Variants in RBFOX1 observed in about 807,000 individuals in gnomAD.
RBFOX1 encodes RNA binding protein fox-1 homolog 1.
In RBFOX1, 8 loss-of-function variants were observed where a neutral mutation model predicts 57.7. That is an observed-to-expected ratio of 0.14 (90% CI 0.08 to 0.25). The LOEUF is 0.25. Ranked by LOEUF, RBFOX1 falls within the 10% of genes least tolerant of loss-of-function variation. The pLI, the probability that RBFOX1 is intolerant of heterozygous loss-of-function variation, is 1.00. For synonymous variants in RBFOX1, 326 were observed against 222.4 expected (o/e 1.47, Z -4.15); for missense variants, 611 against 548.5 (o/e 1.11, Z -1.14).
At chr16:6,301,951 G>A (rs2078870484) in intron 1 of RBFOX1, among the ~76,000 whole-genome samples, 2 of 152,164 alleles carry the variant, frequency 1.3e-5, no homozygotes, top group African/African-American at 4.8e-5. Flanking sequence ...CAAGGGGTCT[G>A]TAAATGCCCC....
In RBFOX1 at chr16:5,738,583, G is replaced by A. The variant is rs564847829; in HGVS notation, c.319-128720G>A. 3.4e-4 allele frequency among the ~76,000 whole-genome samples: 47 copies of A among 136,898 alleles called. No individual in the cohort carries two copies. The Admixed American group carries it at 3.7e-3, about 11-fold the overall frequency. The allele number at this position is 136,898 out of a possible 152,430, so 89.8% of individuals were successfully genotyped here. The stretch of plus-strand genomic sequence containing the variant: ...TGGGAGGTGAAGGTTGCCATGTGCC[G>A]AGATTGCACAACTGTACTGCAGCCT... On this transcript the variant is annotated intron_variant, in intron 3 of 19. Coordinates refer to the RBFOX1 transcript ENST00000641259.
chr16:6,958,686 T>A (rs1335487890), intron 3 of RBFOX1, among the ~76,000 whole-genome samples: 1 of 152,148 alleles, frequency 6.6e-6, no homozygotes, highest in African/African-American at 2.4e-5. Context: ...CTAATTGGGG[T>A]CACATGCTAA....
intron 4 of RBFOX1, among the ~76,000 whole-genome samples, chr16:7,336,567 TG>T (rs1939235293): frequency 6.6e-6 from 1 of 152,232 alleles, no homozygotes; most frequent in Non-Finnish European, 1.5e-5. Flanking sequence ...CACTGAACTG[TG>T]GGTTCACAAT....
intron 1 of RBFOX1, among the ~76,000 whole-genome samples, chr16:5,342,074 A>C (rs2065044996): frequency 6.6e-6 from 1 of 152,202 alleles, no homozygotes; most frequent in East Asian, 1.9e-4. Flanking sequence ...CTTTTGTCTA[A>C]ATTTTTATTT....
chr16:7,078,689 T>G (rs1010265196), intron 4 of RBFOX1, among the ~76,000 whole-genome samples: 2 of 142,654 alleles, frequency 1.4e-5, no homozygotes, highest in Admixed American at 6.9e-5. Flanking sequence ...TTATTTTATT[T>G]TATTTTTTTT....
chr16:6,620,698 A>G (rs1260091054), intron 2 of RBFOX1, among the ~76,000 whole-genome samples: 1 of 152,190 alleles, frequency 6.6e-6, no homozygotes, highest in Non-Finnish European at 1.5e-5. Flanking sequence ...CAGAAATACA[A>G]ACAACCATCA....
At chr16:7,570,244 T>G (rs2092636062) in intron 5 of RBFOX1, among the ~76,000 whole-genome samples, 1 of 152,086 alleles carries the variant, frequency 6.6e-6, no homozygotes, top group Non-Finnish European at 1.5e-5. Context: ...CAAGACAGGC[T>G]TCTCTAAAGT....
At chr16:7,218,142 C>T (rs12924676) in intron 4 of RBFOX1, among the ~76,000 whole-genome samples, 26,474 of 152,042 alleles carry the variant, frequency 0.17, 2,654 homozygotes, top group Non-Finnish European at 0.21. Context: ...TGAATCATCC[C>T]ACCTTGCTGA....
intron 2 of RBFOX1, among the ~76,000 whole-genome samples, chr16:6,326,990 C>A (rs961507692): frequency 6.6e-6 from 1 of 152,212 alleles, no homozygotes; most frequent in Non-Finnish European, 1.5e-5. Flanking sequence ...ATCTCAGGGA[C>A]CTTCTTTGTG....
intron 4 of RBFOX1, among the ~76,000 whole-genome samples, chr16:7,420,255 C>G (rs1304004909): frequency 1.3e-5 from 2 of 152,146 alleles, no homozygotes; most frequent in African/African-American, 4.8e-5. Context: ...TAAATAGCCT[C>G]TCGTCCTATT....
At chr16:5,869,207 G>C (rs2057409966) in intron 4 of RBFOX1, among the ~76,000 whole-genome samples, 1 of 152,062 alleles carries the variant, frequency 6.6e-6, no homozygotes, top group African/African-American at 2.4e-5. Flanking sequence ...ATGAAGGACT[G>C]ATTGCGCTTT....
At chr16:7,070,839 A>G (rs1031483889) in intron 4 of RBFOX1, among the ~76,000 whole-genome samples, 2 of 152,176 alleles carry the variant, frequency 1.3e-5, no homozygotes, top group Non-Finnish European at 2.9e-5. Flanking sequence ...ACCTAACTGC[A>G]CAGACACCAA....
At chr16:5,943,307 G>A (rs1309628579) in intron 4 of RBFOX1, among the ~76,000 whole-genome samples, 1 of 152,188 alleles carries the variant, frequency 6.6e-6, no homozygotes, top group Admixed American at 6.5e-5. Flanking sequence ...ATCCACAGTG[G>A]AATCTCCAGT....
At chr16:5,467,300 T>A in intron 2 of RBFOX1, 2 of 1,446,800 alleles carry the variant, frequency 1.4e-6, no homozygotes, top group Non-Finnish European at 1.9e-6. Context: ...TGAAGTCTAG[T>A]GGAAATGAAA....
rs76413658 is a variant in RBFOX1 at position 6,589,736 on chromosome 16, G to T, written c.-63-64867G>T. Among the ~76,000 whole-genome samples, 6 of 152,236 alleles carry T rather than the reference G, an allele frequency of 3.9e-5. No homozygotes were observed. In the South Asian group the frequency reaches 1.2e-3, roughly 32 times the overall value. On this transcript the variant is annotated intron_variant, in intron 2 of 15. Coordinates refer to ENST00000550418, the MANE Select transcript of RBFOX1 (RefSeq NM_018723.4). Reference sequence around the variant, plus strand: ...AGGGGGATTGTTTGGGGAAAGGGCTGTTCTCATCTTTGTTTCAAAATTAAA... The same window carrying T: ...AGGGGGATTGTTTGGGGAAAGGGCTTTTCTCATCTTTGTTTCAAAATTAAA...
At chr16:7,215,839 C>T (rs543261037) in intron 4 of RBFOX1, among the ~76,000 whole-genome samples, 4 of 151,596 alleles carry the variant, frequency 2.6e-5, no homozygotes, top group African/African-American at 9.7e-5. Context: ...ATTCTCCTGC[C>T]TCAGCCTCCC....
At chr16:6,217,738 G>A (rs907777513) in intron 1 of RBFOX1, among the ~76,000 whole-genome samples, 2 of 152,144 alleles carry the variant, frequency 1.3e-5, no homozygotes, top group Non-Finnish European at 2.9e-5. Context: ...GCATAGGCTG[G>A]GCACAGTGGC....
chr16:6,807,912 G>GTGTA (rs755161284), intron 3 of RBFOX1, among the ~76,000 whole-genome samples: 4 of 134,622 alleles, frequency 3.0e-5, no homozygotes, highest in African/African-American at 1.1e-4. Flanking sequence ...GTGTGTGTGT[G>GTGTA]TGTATATATA....
chr16:7,424,124 G>C (rs766790320), intron 4 of RBFOX1, among the ~76,000 whole-genome samples: 3 of 152,086 alleles, frequency 2.0e-5, no homozygotes, highest in Non-Finnish European at 4.4e-5. Context: ...CTTAAGTAAT[G>C]AATTTTTAGG....
Sources: gnomAD v4.1 joint callset for allele counts (sites outside exome capture counted in the v4.1 genomes callset) on GRCh38, gnomAD v4.1.1 for gene constraint, MANE v1.5 for transcripts, NCBI Gene and HGNC (gene_info 2026-07-23, HGNC 2026-07-21) for gene names.